SAMD5: variants seen among roughly 807,000 people sequenced by gnomAD.
SAMD5 encodes the protein sterile alpha motif domain-containing protein 5.
Under a neutral mutation model 11.3 loss-of-function variants are expected in SAMD5, and 13 were observed. The ratio of observed to expected loss-of-function variants is 1.15; its 90% CI spans 0.75 to 1.83. The LOEUF is 1.83. Among genes scored for constraint, SAMD5 ranks in the 40% most tolerant of loss-of-function variants. The pLI is 0.00. For missense variants in SAMD5, 255 were observed against 239.1 expected (o/e 1.07, Z -0.44); for synonymous variants, 129 against 111.3 (o/e 1.16, Z -1.00).
intron 1 of SAMD5, among the ~76,000 whole-genome samples, chr6:147,576,142 CTTT>C (rs34576408): frequency 7.1e-6 from 1 of 141,486 alleles, no homozygotes. Flanking sequence ...ATATTTTAAA[CTTT>C]TTTTTTTTTT....
At chr6:147,729,952 G>GC (rs1353713604) in intron 1 of SAMD5, 4 of 416,140 alleles carry the variant, frequency 9.6e-6, no homozygotes, top group Non-Finnish European at 1.9e-5. Context: ...AGGTGTGATG[G>GC]CGTGTGCCTG....
chr6:147,682,490 G>A (rs1220085584), intron 1 of SAMD5, among the ~76,000 whole-genome samples: 2 of 152,078 alleles, frequency 1.3e-5, no homozygotes, highest in East Asian at 1.9e-4. Flanking sequence ...GCACCCGAGA[G>A]GATTTAGGGC....
chr6:147,620,172 G>A (rs529271172), intron 1 of SAMD5, among the ~76,000 whole-genome samples: 1 of 152,068 alleles, frequency 6.6e-6, no homozygotes, highest in East Asian at 1.9e-4. Flanking sequence ...TCCTTTCCTC[G>A]AGCTTCTCTT....
chr6:147,909,629 TTTC>T, the SAMD5 span, among the ~76,000 whole-genome samples: 10 of 73,156 alleles, frequency 1.4e-4, no homozygotes, highest in African/African-American at 6.8e-4. Flanking sequence ...TCTTTCTTTC[TTTC>T]TCTTTCTTGT....
intron 1 of SAMD5, among the ~76,000 whole-genome samples, chr6:147,700,460 T>G (rs914683592): frequency 3.3e-5 from 5 of 152,214 alleles, no homozygotes; most frequent in Non-Finnish European, 5.9e-5. Context: ...TTCAGGATTT[T>G]TTCCCCCCAG....
the SAMD5 span, among the ~76,000 whole-genome samples, chr6:147,781,202 C>T: frequency 6.7e-6 from 1 of 148,852 alleles, no homozygotes; most frequent in East Asian, 2.0e-4. Context: ...GTCATCCAAG[C>T]TAGAGTGCAA....
chr6:147,648,849 G>A (rs761761484), intron 1 of SAMD5, among the ~76,000 whole-genome samples: 6 of 152,178 alleles, frequency 3.9e-5, no homozygotes, highest in Non-Finnish European at 5.9e-5. Context: ...AAAGGCACTG[G>A]CCAATGATGC....
At chr6:147,577,591 A>G (rs951078403) in intron 1 of SAMD5, among the ~76,000 whole-genome samples, 8 of 151,886 alleles carry the variant, frequency 5.3e-5, no homozygotes, top group Non-Finnish European at 1.2e-4. Flanking sequence ...TTATTTTTCT[A>G]TGCTTTAATA....
At chr6:147,770,649 G>A in the SAMD5 span, among the ~76,000 whole-genome samples, 3 of 152,232 alleles carry the variant, frequency 2.0e-5, no homozygotes, top group South Asian at 2.1e-4. Flanking sequence ...GAGTAGATTC[G>A]AATGATGTAG....
chr6:147,899,606 C>CCCTG, the SAMD5 span, among the ~76,000 whole-genome samples: 1 of 152,140 alleles, frequency 6.6e-6, no homozygotes, highest in Admixed American at 6.6e-5. Flanking sequence ...AGGTAGTAGA[C>CCCTG]CCTGCCGCTC....
chr6:147,634,363 C>A (rs1008397989), intron 1 of SAMD5, among the ~76,000 whole-genome samples: 1 of 152,070 alleles, frequency 6.6e-6, no homozygotes, highest in African/African-American at 2.4e-5. Flanking sequence ...TTTTAAACAA[C>A]CAGATCTCAT....
the SAMD5 span, among the ~76,000 whole-genome samples, chr6:147,907,652 C>T: frequency 6.6e-6 from 1 of 152,158 alleles, no homozygotes; most frequent in Non-Finnish European, 1.5e-5. Context: ...TCAGCCAGGA[C>T]CCCACAGGGG....
chr6:147,722,711 GC>G (rs1420778659), intron 1 of SAMD5, among the ~76,000 whole-genome samples: 2 of 152,022 alleles, frequency 1.3e-5, no homozygotes, highest in African/African-American at 4.8e-5. Flanking sequence ...ATTTTTTCTT[GC>G]TTTTTTTATG....
chr6:147,551,815 TATATA>T (rs1562318585), intron 1 of SAMD5, among the ~76,000 whole-genome samples: 2,333 of 133,122 alleles, frequency 0.018, 31 homozygotes, highest in African/African-American at 0.041. Context: ...ATATATGTTA[TATATA>T]TATATATATA....
chr6:147,511,372 A>G (rs1040305977), intron 1 of SAMD5, among the ~76,000 whole-genome samples: 1 of 152,244 alleles, frequency 6.6e-6, no homozygotes, highest in African/African-American at 2.4e-5. Context: ...AGTGGGTGCT[A>G]TGGTAGTGCA....
intron 1 of SAMD5, among the ~76,000 whole-genome samples, chr6:147,695,411 G>C (rs986447349): frequency 6.6e-6 from 1 of 151,960 alleles, no homozygotes; most frequent in Admixed American, 6.6e-5. Flanking sequence ...TATTTGGGAT[G>C]ATAATTTAGG....
the SAMD5 span, among the ~76,000 whole-genome samples, chr6:147,839,049 G>A: frequency 3.4e-3 from 511 of 152,316 alleles, 2 homozygotes; most frequent in African/African-American, 0.012. Context: ...TAGTTCAAAT[G>A]TTACAGTCTC....
At chr6:147,766,998 A>T in the SAMD5 span, among the ~76,000 whole-genome samples, 1 of 152,230 alleles carries the variant, frequency 6.6e-6, no homozygotes, top group African/African-American at 2.4e-5. Flanking sequence ...CAAAATATAC[A>T]TGAGAAAGGA....
At position 147,711,073 on chromosome 6, in the gene SAMD5, G is replaced by GAA; in HGVS notation, c.163-26243_163-26242dup. Among the ~76,000 whole-genome samples the GAA allele has an allele frequency of 6.6e-6, 1 of 151,778 alleles. No homozygotes were observed. Among genetic ancestry groups the GAA allele is most frequent in the East Asian group, 1.9e-4 (1 of 5,160 alleles). Reference sequence around the variant, plus strand: ...GAAGGAAGGAAAAGAAGGAAGGAAGGAAGGGAAGGAAGGGGGCAATGGAAA... The same window carrying GAA: ...GAAGGAAGGAAAAGAAGGAAGGAAGGAAAAGGGAAGGAAGGGGGCAATGGAAA... On this transcript the variant is annotated intron_variant, in intron 1 of 1. Coordinates refer to the SAMD5 transcript ENST00000566741. The surrounding 1 kb of genome is among the most constrained non-coding windows in gnomAD (Gnocchi z 4.1).
Sources: gnomAD v4.1 joint callset for allele counts (sites outside exome capture counted in the v4.1 genomes callset) on GRCh38, gnomAD v4.1.1 for gene constraint, Gnocchi (gnomAD v3.1) non-coding constraint, MANE v1.5 for transcripts, NCBI Gene and HGNC (gene_info 2026-07-23, HGNC 2026-07-21) for gene names.